FHIT: variants seen among roughly 807,000 people sequenced by gnomAD.
The protein encoded by FHIT is bis(5'-adenosyl)-triphosphatase.
FHIT carries 19 observed loss-of-function variants against 17.9 expected under a neutral mutation model. The observed-to-expected ratio is 1.06, with a 90% CI of 0.74 to 1.56. The LOEUF is 1.56. Among genes scored for constraint, FHIT ranks in the 40% most tolerant of loss-of-function variants. The pLI is 0.00. For missense variants in FHIT, 248 were observed against 189.2 expected (o/e 1.31, Z -1.82); for synonymous variants, 81 against 69.7 (o/e 1.16, Z -0.81).
At chr3:61,196,470 G>A (rs561899498) in intron 2 of FHIT, among the ~76,000 whole-genome samples, 1 of 152,084 alleles carries the variant, frequency 6.6e-6, no homozygotes, top group Admixed American at 6.5e-5. Flanking sequence ...CAATCAAAAT[G>A]TCCATTTCTT....
chr3:59,830,789 C>A (rs77051749), intron 8 of FHIT, among the ~76,000 whole-genome samples: 3 of 152,210 alleles, frequency 2.0e-5, no homozygotes, highest in African/African-American at 7.2e-5. Context: ...AAAAGACTTA[C>A]AGTTAAGCAC....
chr3:60,932,163 T>G (rs1212630510), intron 3 of FHIT, among the ~76,000 whole-genome samples: 1 of 152,230 alleles, frequency 6.6e-6, no homozygotes, highest in Admixed American at 6.5e-5. Context: ...AAAAAACCAT[T>G]GTGCTAAGTG....
intron 2 of FHIT, among the ~76,000 whole-genome samples, chr3:61,181,897 A>G (rs1032295620): frequency 2.0e-5 from 3 of 152,184 alleles, no homozygotes; most frequent in Non-Finnish European, 4.4e-5. Context: ...TTTCTGTTCT[A>G]TAAGTGTATG....
At chr3:61,107,029 G>T (rs1042466566) in intron 2 of FHIT, among the ~76,000 whole-genome samples, 6 of 152,184 alleles carry the variant, frequency 3.9e-5, no homozygotes, top group East Asian at 1.9e-4. Flanking sequence ...AATAATACAT[G>T]GTTATTAACC....
chr3:60,341,785 T>C (rs1354634488), intron 5 of FHIT, among the ~76,000 whole-genome samples: 1 of 152,158 alleles, frequency 6.6e-6, no homozygotes, highest in Non-Finnish European at 1.5e-5. Context: ...GGTATTTTAG[T>C]GCGAGGTAAC....
rs767628454 is a variant in FHIT at position 60,424,452 on chromosome 3, C to T, written c.103+112408G>A. Among the ~76,000 whole-genome samples, 21 of 152,204 alleles carry T rather than the reference C, an allele frequency of 1.4e-4. No individual in the cohort carries two copies. In the South Asian group the frequency reaches 2.3e-3, roughly 17 times the overall value. On this transcript the variant is annotated intron_variant, in intron 5 of 9. Coordinates refer to ENST00000492590, the MANE Select transcript of FHIT (RefSeq NM_002012.4). ...TGTATTTCTTGAAGAGCTTACAAAG[C>T]TAAAGTCAGAAATGCATCTCCACTC...
At chr3:59,752,689 G>C (rs748586654) in intron 8 of FHIT, among the ~76,000 whole-genome samples, 15 of 152,048 alleles carry the variant, frequency 9.9e-5, no homozygotes, top group Non-Finnish European at 1.9e-4. Flanking sequence ...TCATGATAGT[G>C]AGTTATTGGG....
intron 5 of FHIT, among the ~76,000 whole-genome samples, chr3:60,210,672 C>A (rs1159803529): frequency 6.6e-6 from 1 of 152,096 alleles, no homozygotes; most frequent in African/African-American, 2.4e-5. Flanking sequence ...GTTAATATGA[C>A]AAATGCAATC....
intron 8 of FHIT, among the ~76,000 whole-genome samples, chr3:59,757,911 T>C (rs958966501): frequency 3.3e-5 from 5 of 152,200 alleles, no homozygotes; most frequent in African/African-American, 1.2e-4. Context: ...ACACATGATA[T>C]ATTCCAGGCT....
chr3:60,059,780 C>T (rs922083730), intron 5 of FHIT, among the ~76,000 whole-genome samples: 3 of 152,098 alleles, frequency 2.0e-5, no homozygotes, highest in Non-Finnish European at 4.4e-5. Context: ...AGAGCTCCCC[C>T]CATTCTTGTT....
At chr3:60,891,212 A>C (rs955495659) in intron 3 of FHIT, among the ~76,000 whole-genome samples, 3 of 152,040 alleles carry the variant, frequency 2.0e-5, no homozygotes, top group Non-Finnish European at 4.4e-5. Context: ...ATGTTGTTCT[A>C]CCTTCCCATC....
intron 8 of FHIT, among the ~76,000 whole-genome samples, chr3:59,871,319 T>C (rs1435088405): frequency 6.6e-6 from 1 of 152,154 alleles, no homozygotes; most frequent in Admixed American, 6.5e-5. Context: ...ATCTTATAGA[T>C]AACCTGAATT....
intron 3 of FHIT, among the ~76,000 whole-genome samples, chr3:60,915,800 C>A (rs2107291057): frequency 6.6e-6 from 1 of 152,262 alleles, no homozygotes. Context: ...CCAAATACAT[C>A]TTTACATCAG....
chr3:60,122,111 TAAAA>T (rs72498196), intron 5 of FHIT, among the ~76,000 whole-genome samples: 1 of 149,910 alleles, frequency 6.7e-6, no homozygotes, highest in Admixed American at 6.6e-5. Context: ...AAATTGCAAC[TAAAA>T]AAAAACGCCT....
chr3:60,148,704 G>A (rs1296035164), intron 5 of FHIT, among the ~76,000 whole-genome samples: 1 of 152,100 alleles, frequency 6.6e-6, no homozygotes, highest in Non-Finnish European at 1.5e-5. Context: ...TAAGATAAAA[G>A]AATGTCTCTT....
chr3:60,992,570 C>T (rs998658816), intron 3 of FHIT, among the ~76,000 whole-genome samples: 1 of 152,180 alleles, frequency 6.6e-6, no homozygotes, highest in African/African-American at 2.4e-5. Flanking sequence ...ATGTCAGCCA[C>T]AGCAATGGCA....
At chr3:59,916,293 T>C (rs1008872574) in intron 8 of FHIT, among the ~76,000 whole-genome samples, 1 of 152,164 alleles carries the variant, frequency 6.6e-6, no homozygotes, top group African/African-American at 2.4e-5. Flanking sequence ...CTTGGACTTA[T>C]ACCAGTGGTT....
intron 3 of FHIT, among the ~76,000 whole-genome samples, chr3:61,014,207 C>G (rs2031950401): frequency 6.6e-6 from 1 of 152,148 alleles, no homozygotes. Context: ...CCATGCATAA[C>G]TTTAAAGATC....
intron 5 of FHIT, among the ~76,000 whole-genome samples, chr3:60,369,542 G>C (rs1465621648): frequency 1.3e-5 from 2 of 152,066 alleles, no homozygotes; most frequent in Non-Finnish European, 2.9e-5. Flanking sequence ...AACATATTGA[G>C]TATTTTTGTG....
Sources: allele counts gnomAD v4.1 joint callset (sites outside exome capture counted in the v4.1 genomes callset), GRCh38; gene constraint gnomAD v4.1.1; transcripts MANE v1.5; gene names NCBI Gene and HGNC (gene_info 2026-07-23, HGNC 2026-07-21).